The following MSL2 variants were observed in gnomAD, a reference collection of about 807,000 sequenced individuals.
The protein encoded by MSL2 is E3 ubiquitin-protein ligase MSL2.
Under a neutral mutation model 35.8 loss-of-function variants are expected in MSL2, and 2 were observed. That is an observed-to-expected ratio of 0.06 (90% confidence interval 0.02 to 0.18). The LOEUF is 0.18. MSL2 is among the 10% of genes least tolerant of loss of function. The pLI is 1.00. For synonymous variants in MSL2, 296 were observed against 255.7 expected (o/e 1.16, Z -1.50); for missense variants, 523 against 706.7 (o/e 0.74, Z 2.95).
At position 136,149,927 on chromosome 3, in the gene MSL2, A is replaced by C. The variant is rs1367473391; in HGVS notation, c.*1220T>G. ...ACAGGTTATTTCATTACACCTAGTC[A>C]GTCCTTGTTTTATTTGGGCTGTGCT... On this transcript the variant is annotated 3_prime_UTR_variant, in exon 2 of 2. Coordinates refer to ENST00000309993, the MANE Select transcript of MSL2 (RefSeq NM_018133.4). The C allele has an allele frequency of 1.3e-5, 2 of 152,630 alleles. No individual in the cohort carries two copies. The highest frequency in any genetic ancestry group is 3.8e-4 in the East Asian group (2 of 5,200). The allele number at this position is 152,630 out of a possible 1,614,324, so 9.5% of individuals were successfully genotyped here. A position where few individuals can be genotyped will look rare whatever the true frequency, so the allele number is the denominator to read the frequency against.
At chr3:136,188,241 C>G (rs893385868) in intron 1 of MSL2, among the ~76,000 whole-genome samples, 5 of 152,116 alleles carry the variant, frequency 3.3e-5, no homozygotes, top group African/African-American at 1.2e-4. Flanking sequence ...CGAGACCATC[C>G]TGGCCAACAT....
chr3:136,196,000 C>A lies in MSL2; in HGVS notation c.-887G>T. The A allele has an allele frequency of 5.5e-6, 1 of 181,268 alleles. No homozygotes were observed. The highest frequency in any genetic ancestry group is 1.1e-5 in the Non-Finnish European group (1 of 94,798). 11.2% of individuals were successfully genotyped at this position (181,268 alleles called of 1,614,324 possible). The stretch of plus-strand genomic sequence containing the variant: ...ATTTTTTCGGCGCCACACACACAGA[C>A]GACTCCTCCGCCGAGCACGACGGCC... On this transcript the variant is annotated 5_prime_UTR_variant, in exon 1 of 2. Transcript: ENST00000309993.
chr3:136,192,838 C>G (rs1940727997), intron 1 of MSL2, among the ~76,000 whole-genome samples: 1 of 152,090 alleles, frequency 6.6e-6, no homozygotes, highest in Non-Finnish European at 1.5e-5. Context: ...TGCTTTTCAG[C>G]TAAGGAAAAA....
intron 1 of MSL2, among the ~76,000 whole-genome samples, chr3:136,165,046 T>C (rs1168082137): frequency 2.6e-5 from 4 of 152,110 alleles, no homozygotes; most frequent in Non-Finnish European, 5.9e-5. Flanking sequence ...GCTAATTTTT[T>C]GTATTTTTAG....
At chr3:136,192,907 AT>A (rs953796175) in intron 1 of MSL2, among the ~76,000 whole-genome samples, 9 of 152,188 alleles carry the variant, frequency 5.9e-5, no homozygotes, top group South Asian at 2.1e-4. Flanking sequence ...CAAATAACTG[AT>A]TTTTTTTCTA....
chr3:136,184,853 T>C (rs1940472505), intron 1 of MSL2, among the ~76,000 whole-genome samples: 1 of 151,320 alleles, frequency 6.6e-6, no homozygotes, highest in Admixed American at 6.6e-5. Flanking sequence ...TAGCCAATGA[T>C]GCTAGCCAAT....
At position 136,178,979 on chromosome 3, in the gene MSL2, CTTTTTT is replaced by C. The variant is rs763670751; in HGVS notation, c.142+15987_142+15992del. Among the ~76,000 whole-genome samples, 219 of 101,806 alleles carry C rather than the reference CTTTTTT, an allele frequency of 2.2e-3. 2 individuals are homozygous for C. Among genetic ancestry groups the C allele is most frequent in the South Asian group, 3.5e-3 (10 of 2,872 alleles). The allele number at this position is 101,806 out of a possible 152,430, so 66.8% of individuals were successfully genotyped here. On this transcript the variant is annotated intron_variant, in intron 1 of 1. Transcript: ENST00000309993. ...GGAATGTAGTTATTTTGTTGGTTTT[CTTTTTT>C]TTTTTTTTTTTTTTTTTTAAGAGAC... is the stretch of plus-strand genomic sequence containing the variant.
In MSL2 at chr3:136,151,899, A is replaced by G; in HGVS notation, c.982T>C (p.Cys328Arg). 2 of 1,614,192 alleles carry G rather than the reference A, an allele frequency of 1.2e-6. No individual in the cohort carries two copies. Among genetic ancestry groups the G allele is most frequent in the Non-Finnish European group, 1.7e-6 (2 of 1,180,042 alleles). ...STSPALHGLS[C>R]TAATPKIAKL... ...GCTATCTTCGGAGTTGCTGCTGTAC[A>G]TGATAACCCATGAAGTGCAGGACTG... The change falls in exon 2 of 2, where the codon TGT becomes CGT. Residue 328 changes from cysteine to arginine, a missense_variant. Cys to Arg is a radical substitution (Grantham distance 180). Coordinates refer to ENST00000309993, the MANE Select transcript of MSL2 (RefSeq NM_018133.4). This position sits in a 1 kb window ranked among gnomAD's most constrained non-coding sequence, Gnocchi z 5.2.
chr3:136,183,859 G>A (rs761278997), intron 1 of MSL2, among the ~76,000 whole-genome samples: 2 of 152,066 alleles, frequency 1.3e-5, no homozygotes, highest in African/African-American at 4.8e-5. Context: ...CAATACTATC[G>A]ACTAACCTGT....
Position 136,149,827 on chromosome 3 carries a change from G to A in MSL2, c.*1320C>T, listed in dbSNP as rs1939296829. On this transcript the variant is annotated 3_prime_UTR_variant, in exon 2 of 2. Coordinates refer to ENST00000309993, the MANE Select transcript of MSL2 (RefSeq NM_018133.4). Reference sequence around the variant, plus strand: ...GATCTTACTAGAGATGGTGAACGTAGTAGAAATTGGAAATTTTCCAGCAGT... The same window carrying A: ...GATCTTACTAGAGATGGTGAACGTAATAGAAATTGGAAATTTTCCAGCAGT... 6.6e-6 allele frequency: 1 copy of A among 152,290 alleles called. No individual in the cohort carries two copies. Among genetic ancestry groups the A allele is most frequent in the Non-Finnish European group, 1.5e-5 (1 of 68,030 alleles). The allele number at this position is 152,290 out of a possible 1,614,324, so 9.4% of individuals were successfully genotyped here. A position where few individuals can be genotyped will look rare whatever the true frequency, so the allele number is the denominator to read the frequency against.
At chr3:136,169,257 T>G in intron 1 of MSL2, among the ~76,000 whole-genome samples, 3 of 115,000 alleles carry the variant, frequency 2.6e-5, no homozygotes, top group Non-Finnish European at 3.7e-5. Context: ...GGGGGGTGCT[T>G]ATTTTTTAAA....
At position 136,150,239 on chromosome 3, in the gene MSL2, T is replaced by G. The variant is rs1418923649; in HGVS notation, c.*908A>C. On this transcript the variant is annotated 3_prime_UTR_variant, in exon 2 of 2. Coordinates refer to ENST00000309993, the MANE Select transcript of MSL2 (RefSeq NM_018133.4). The stretch of plus-strand genomic sequence containing the variant: ...ATAAAGACTGTGGCAAATAAACTAT[T>G]AGAGAAAATAAGTCAAAGTGGCGGC... 6.6e-6 allele frequency: 1 copy of G among 152,186 alleles called. No homozygotes were observed. Among genetic ancestry groups the G allele is most frequent in the Non-Finnish European group, 1.5e-5 (1 of 68,020 alleles). The allele number at this position is 152,186 out of a possible 1,614,324, so 9.4% of individuals were successfully genotyped here. A position where few individuals can be genotyped will look rare whatever the true frequency, so the allele number is the denominator to read the frequency against.
chr3:136,157,863 A>T (rs1442400059), intron 1 of MSL2, among the ~76,000 whole-genome samples: 1 of 152,244 alleles, frequency 6.6e-6, no homozygotes, highest in African/African-American at 2.4e-5. Context: ...GATTTTCCTC[A>T]AAAGAAGACT....
At chr3:136,177,683 A>C (rs1373384686) in intron 1 of MSL2, among the ~76,000 whole-genome samples, 55 of 148,854 alleles carry the variant, frequency 3.7e-4, no homozygotes, top group South Asian at 1.5e-3. Context: ...CGTCTCATAA[A>C]AAAAAAAAAA....
At chr3:136,169,019 G>A (rs1239975763) in intron 1 of MSL2, among the ~76,000 whole-genome samples, 1 of 151,992 alleles carries the variant, frequency 6.6e-6, no homozygotes, top group Non-Finnish European at 1.5e-5. Context: ...CGGCTGTGAG[G>A]CTCTTGATCA....
chr3:136,195,732 C>T lies in MSL2; in HGVS notation c.-619G>A, dbSNP rs1940824899. 1.0e-6 allele frequency: 1 copy of T among 985,188 alleles called. No homozygotes were observed. Among genetic ancestry groups the T allele is most frequent in the African/African-American group, 1.7e-5 (1 of 57,276 alleles). The allele number at this position is 985,188 out of a possible 1,614,324, so 61.0% of individuals were successfully genotyped here. ...GCCGCCGCGCTCTCCATATCGGACGCGGGGCCCAGACTGCGCCCTGGCTCT... is the reference window on the plus strand; with the variant it reads ...GCCGCCGCGCTCTCCATATCGGACGTGGGGCCCAGACTGCGCCCTGGCTCT... On this transcript the variant is annotated 5_prime_UTR_variant, in exon 1 of 2. Coordinates refer to ENST00000309993, the MANE Select transcript of MSL2 (RefSeq NM_018133.4).
At chr3:136,178,979 CTTTTTTT>C (rs763670751) in intron 1 of MSL2, among the ~76,000 whole-genome samples, 14,469 of 101,742 alleles carry the variant, frequency 0.14, 1,273 homozygotes, top group African/African-American at 0.3. Context: ...TGTTGGTTTT[CTTTTTTT>C]TTTTTTTTTT....
intron 1 of MSL2, among the ~76,000 whole-genome samples, chr3:136,181,194 T>C (rs1489360341): frequency 6.6e-6 from 1 of 151,874 alleles, no homozygotes; most frequent in Non-Finnish European, 1.5e-5. Flanking sequence ...ACCAAATATT[T>C]AGAATCATTT....
intron 1 of MSL2, among the ~76,000 whole-genome samples, chr3:136,181,821 A>G (rs1001701419): frequency 2.0e-5 from 3 of 152,062 alleles, no homozygotes; most frequent in Non-Finnish European, 4.4e-5. Flanking sequence ...CGGGAGGCTG[A>G]GGCAGAAGAA....
Sources: gnomAD v4.1 joint callset for allele counts (sites outside exome capture counted in the v4.1 genomes callset) on GRCh38, gnomAD v4.1.1 for gene constraint, Gnocchi (gnomAD v3.1) non-coding constraint, MANE v1.5 for transcripts, NCBI Gene and HGNC (gene_info 2026-07-23, HGNC 2026-07-21) for gene names.